USP24: variants seen among roughly 807,000 people sequenced by gnomAD.
USP24 encodes ubiquitin specific peptidase 24.
Under a neutral mutation model 361.6 loss-of-function variants are expected in USP24, and 97 were observed. The ratio of observed to expected loss-of-function variants is 0.27; its 90% CI spans 0.23 to 0.32. USP24 has a LOEUF of 0.32. Ranked by LOEUF, USP24 falls within the 10% of genes least tolerant of loss-of-function variation. USP24 has a pLI of 1.00. For synonymous variants in USP24, 1,098 were observed against 1,124.6 expected, an observed-to-expected ratio of 0.98 and a Z score of 0.47; for missense variants, 2,353 against 3,165.6, an observed-to-expected ratio of 0.74 and a Z score of 6.16.
At chr1:55,121,994 T>A (rs763153948) in intron 36 of USP24, among the ~76,000 whole-genome samples, 2 of 152,212 alleles carry the variant, frequency 1.3e-5, no homozygotes, top group Admixed American at 1.3e-4. Flanking sequence ...TTTCTGAATA[T>A]TTATTTATTG....
chr1:55,102,097 C>A (rs1645650046), intron 42 of USP24, among the ~76,000 whole-genome samples: 1 of 151,978 alleles, frequency 6.6e-6, no homozygotes, highest in Non-Finnish European at 1.5e-5. Flanking sequence ...GGTAAAGAGG[C>A]ATAATCAAGC....
Position 55,154,238 on chromosome 1 carries a change from G to A in USP24, c.1693C>T (p.Pro565Ser). ...LWELAHLPTL[P>S]SSLIQQALEE... is the part of the protein sequence containing the mutation. Reference sequence around the variant, plus strand: ...AAGGCCTGCTGAATAAGGCTACTGGGCAGGGTTGGAAGGTGAGCCAGTTCC... The same window carrying A: ...AAGGCCTGCTGAATAAGGCTACTGGACAGGGTTGGAAGGTGAGCCAGTTCC... Residue 565 changes from proline to serine, a missense_variant, in exon 15 of 68, where the codon CCC becomes TCC. Pro to Ser is a moderately conservative substitution (Grantham distance 74). Coordinates refer to ENST00000294383, the MANE Select transcript of USP24 (RefSeq NM_015306.3). 6.2e-7 allele frequency: 1 copy of A among 1,613,286 alleles called. No individual in the cohort carries two copies. The highest frequency in any genetic ancestry group is 8.5e-7 in the Non-Finnish European group (1 of 1,179,544).
intron 55 of USP24, 94 bp from the exon 56 acceptor site, chr1:55,086,132 A>C: frequency 8.3e-7 from 1 of 1,202,696 alleles, no homozygotes; most frequent in South Asian, 1.2e-5. Flanking sequence ...CCAAGAAACA[A>C]AAGTAGAGTC....
chr1:55,165,778 C>T lies in USP24; in HGVS notation c.927+107G>A, dbSNP rs887196976. The T allele has an allele frequency of 3.3e-6, 3 of 903,798 alleles. No homozygotes were observed. In the Admixed American group the frequency reaches 1.1e-4, roughly 33 times the overall value. 56.0% of individuals were successfully genotyped at this position (903,798 alleles called of 1,614,324 possible). A position where few individuals can be genotyped will look rare whatever the true frequency, so the allele number is the denominator to read the frequency against. Reference sequence around the variant, plus strand: ...GGAATCTGCTCCTCTAAAGATGAACCTTTAATTTAACATTTAACTTGGCAT... The same window carrying T: ...GGAATCTGCTCCTCTAAAGATGAACTTTTAATTTAACATTTAACTTGGCAT... On this transcript the variant is annotated intron_variant, in intron 7 of 67. Transcript: ENST00000294383.
intron 55 of USP24, among the ~76,000 whole-genome samples, chr1:55,088,899 A>G (rs1462677244): frequency 3.9e-5 from 6 of 151,966 alleles, no homozygotes; most frequent in African/African-American, 1.2e-4. Context: ...ATGTACTATC[A>G]TAGGTAATAT....
chr1:55,211,751 T>C (rs564725376), intron 1 of USP24, among the ~76,000 whole-genome samples: 3 of 152,322 alleles, frequency 2.0e-5, no homozygotes, highest in African/African-American at 7.2e-5. Context: ...GAGAAAACCA[T>C]TGCTATCCCC....
intron 24 of USP24, among the ~76,000 whole-genome samples, chr1:55,140,479 T>C (rs995622283): frequency 3.3e-5 from 5 of 152,220 alleles, no homozygotes; most frequent in Non-Finnish European, 5.9e-5. Context: ...GTTGAATCTA[T>C]CATTACTTCT....
At chr1:55,195,874 C>T (rs1022902443) in intron 1 of USP24, among the ~76,000 whole-genome samples, 3 of 151,986 alleles carry the variant, frequency 2.0e-5, no homozygotes, top group African/African-American at 4.8e-5. Context: ...TGTTTCACAA[C>T]AATTTGAATA....
chr1:55,187,957 A>G (rs1644178318), intron 1 of USP24, among the ~76,000 whole-genome samples: 1 of 152,234 alleles, frequency 6.6e-6, no homozygotes, highest in Non-Finnish European at 1.5e-5. Flanking sequence ...CTGAATAGTC[A>G]AAACAACAAA....
chr1:55,148,293 G>A (rs1033635638), intron 17 of USP24, among the ~76,000 whole-genome samples, 170 bp downstream of exon 17: 10 of 148,552 alleles, frequency 6.7e-5, no homozygotes, highest in African/African-American at 2.0e-4. Flanking sequence ...AAAAAGCTCT[G>A]CAGAAATGAA....
rs1646622464 is a variant in USP24 at position 55,132,548 on chromosome 1, T to C, written c.3534A>G (p.Leu1178=). The C allele has an allele frequency of 3.1e-6, 5 of 1,609,066 alleles. No homozygotes were observed. The highest frequency in any genetic ancestry group is 1.1e-5 in the South Asian group (1 of 90,006). ...GMSTFRVLYN[L]EVLSSKLMPT... is the part of the protein sequence containing the mutation. ...GGAAAGAAATTAGGTTTCTTACTTCTAAGTTGTAGAGCACTCTGAAGGTAG... is the reference window on the plus strand; with the variant it reads ...GGAAAGAAATTAGGTTTCTTACTTCCAAGTTGTAGAGCACTCTGAAGGTAG... Residue 1178 remains leucine, a synonymous_variant, in exon 31 of 68, where the codon TTA becomes TTG. Coordinates refer to ENST00000294383, the MANE Select transcript of USP24 (RefSeq NM_015306.3).
In USP24 at chr1:55,068,798, A is replaced by C. The variant is rs1644862895; in HGVS notation, c.*247T>G. The C allele has an allele frequency of 1.3e-5, 6 of 466,364 alleles. No homozygotes were observed. The highest frequency in any genetic ancestry group is 1.9e-5 in the Non-Finnish European group (5 of 265,044). The allele number at this position is 466,364 out of a possible 1,614,324, so 28.9% of individuals were successfully genotyped here. ...TCCGAAAATCTCCACAGAAATGTGA[A>C]TCCACATATAGACCACGCTCCCGGG... On this transcript the variant is annotated 3_prime_UTR_variant, in exon 68 of 68. Coordinates refer to ENST00000294383, the MANE Select transcript of USP24 (RefSeq NM_015306.3).
intron 39 of USP24, among the ~76,000 whole-genome samples, chr1:55,109,937 A>C (rs908475473): frequency 5.3e-5 from 8 of 152,228 alleles, no homozygotes; most frequent in Non-Finnish European, 1.0e-4. Context: ...TGTAATTAAA[A>C]TATGAGCCTT....
intron 54 of USP24, among the ~76,000 whole-genome samples, chr1:55,090,865 A>G: frequency 6.6e-6 from 1 of 152,186 alleles, no homozygotes; most frequent in Admixed American, 6.5e-5. Context: ...AAGGCGAATC[A>G]CCTGAGGCTG....
chr1:55,176,485 A>G (rs1226207447), intron 2 of USP24, 42 bp from the exon 3 acceptor site: 1 of 1,510,722 alleles, frequency 6.6e-7, no homozygotes. Flanking sequence ...TTTAAGTCAG[A>G]CTCAGAAAGA....
intron 61 of USP24, 37 bp from the exon 62 acceptor site, chr1:55,077,337 A>G: frequency 6.6e-7 from 1 of 1,522,662 alleles, no homozygotes; most frequent in South Asian, 1.2e-5. Flanking sequence ...ACTTCAGTGG[A>G]AAGCATATTG....
chr1:55,184,865 G>A lies in USP24; in HGVS notation c.325-6733C>T, dbSNP rs575319148. Among the ~76,000 whole-genome samples the A allele has an allele frequency of 2.9e-3, 439 of 152,334 alleles. 5 individuals are homozygous for A. The highest frequency in any genetic ancestry group is 3.4e-3 in the Non-Finnish European group (232 of 68,024). ...GAAATCACAAGATAGGTAAGAACGC[G>A]CTTTGAGACGAATGAAAATTAAAAT... On this transcript the variant is annotated intron_variant, in intron 1 of 67. Transcript: ENST00000294383.
intron 1 of USP24, among the ~76,000 whole-genome samples, chr1:55,208,219 T>C (rs1486655324): frequency 1.3e-5 from 2 of 152,116 alleles, no homozygotes; most frequent in Non-Finnish European, 2.9e-5. Flanking sequence ...AAGCTACCAA[T>C]GGTGGGAGCC....
chr1:55,182,235 A>C (rs1477951166), intron 1 of USP24, among the ~76,000 whole-genome samples: 1 of 152,102 alleles, frequency 6.6e-6, no homozygotes, highest in Non-Finnish European at 1.5e-5. Flanking sequence ...TATTTTTAGT[A>C]GAGACGGGGT....
Sources: gnomAD v4.1 joint callset for allele counts (sites outside exome capture counted in the v4.1 genomes callset) on GRCh38, gnomAD v4.1.1 for gene constraint, MANE v1.5 for transcripts, NCBI Gene and HGNC (gene_info 2026-07-23, HGNC 2026-07-21) for gene names.